KLHL2: variants seen among roughly 807,000 people sequenced by gnomAD.
KLHL2 encodes the protein kelch like family member 2, also known as kelch-like protein 2.
KLHL2 carries 15 observed loss-of-function variants against 75.8 expected under a neutral mutation model. That is an observed-to-expected ratio of 0.20 (90% CI 0.13 to 0.30). The LOEUF is 0.30. Ranked by LOEUF, KLHL2 falls within the 10% of genes least tolerant of loss-of-function variation. The pLI is 1.00. For missense variants in KLHL2, 381 were observed against 741.0 expected (o/e 0.51, Z 5.64); for synonymous variants, 214 against 251.9 (o/e 0.85, Z 1.42).
chr4:165,302,346 T>C (rs932348763), intron 8 of KLHL2, among the ~76,000 whole-genome samples: 4 of 152,236 alleles, frequency 2.6e-5, no homozygotes, highest in African/African-American at 9.6e-5. Flanking sequence ...AAGATTAATT[T>C]CTTATGCTTA....
intron 5 of KLHL2, among the ~76,000 whole-genome samples, chr4:165,289,509 G>GTTTTTT (rs1194080743): frequency 7.2e-4 from 81 of 112,948 alleles, no homozygotes; most frequent in East Asian, 2.2e-3. Context: ...TTTTGGTTTG[G>GTTTTTT]TTTTTTTTTT....
intron 5 of KLHL2, among the ~76,000 whole-genome samples, chr4:165,272,771 A>G (rs1386732447): frequency 6.6e-6 from 1 of 152,138 alleles, no homozygotes; most frequent in Non-Finnish European, 1.5e-5. Flanking sequence ...AAAATCTTAA[A>G]TTTATTCTAG....
chr4:165,261,160 T>A (rs556190434), intron 4 of KLHL2, among the ~76,000 whole-genome samples: 1 of 152,324 alleles, frequency 6.6e-6, no homozygotes, highest in East Asian at 1.9e-4. Flanking sequence ...CTATTAAGCA[T>A]CTTGGAACGC....
chr4:165,278,026 C>T (rs1424632787), intron 5 of KLHL2: 1 of 1,482,422 alleles, frequency 6.7e-7, no homozygotes, highest in Non-Finnish European at 9.4e-7. Context: ...TTAACATTGC[C>T]ATGCTACTCA....
intron 5 of KLHL2, among the ~76,000 whole-genome samples, chr4:165,282,874 A>G (rs1743803635): frequency 6.6e-6 from 1 of 152,072 alleles, no homozygotes; most frequent in Admixed American, 6.5e-5. Context: ...GAGACTGGGC[A>G]ATTTACAAAA....
intron 3 of KLHL2, among the ~76,000 whole-genome samples, chr4:165,232,878 CT>C (rs912954260): frequency 0.022 from 1,156 of 52,534 alleles, no homozygotes; most frequent in Admixed American, 0.059. Flanking sequence ...CCCTGTTAAG[CT>C]TTTTTTTTTT....
Position 165,266,334 on chromosome 4 carries a change from A to C in KLHL2, c.544+2975A>C, listed in dbSNP as rs539419235. 2.6e-5 allele frequency among the ~76,000 whole-genome samples: 4 copies of C among 152,082 alleles called. No homozygotes were observed. In the South Asian group the frequency reaches 8.3e-4, roughly 32 times the overall value. ...AAGCTCTTTAGTTTAATTAGATCCC[A>C]TTTGTCAATTTTGGCTTTTGTTGCC... On this transcript the variant is annotated intron_variant, in intron 5 of 14. Coordinates refer to ENST00000226725, the MANE Select transcript of KLHL2 (RefSeq NM_007246.4).
intron 12 of KLHL2, among the ~76,000 whole-genome samples, chr4:165,313,603 T>G (rs1302815569): frequency 6.6e-6 from 1 of 152,222 alleles, no homozygotes; most frequent in East Asian, 1.9e-4. Flanking sequence ...ATATTCAAGT[T>G]GTTAGCACTC....
chr4:165,279,778 G>A (rs1743515261), intron 5 of KLHL2: 2 of 758,908 alleles, frequency 2.6e-6, no homozygotes, highest in African/African-American at 1.7e-5. Context: ...TTCTTTACTG[G>A]CTGGCTAGCA....
chr4:165,219,648 A>T (rs1737828719), intron 1 of KLHL2: 1 of 1,137,364 alleles, frequency 8.8e-7, no homozygotes, highest in African/African-American at 1.6e-5. Flanking sequence ...CAACAGTTTT[A>T]TTTGGAGATA....
intron 1 of KLHL2, among the ~76,000 whole-genome samples, chr4:165,208,936 TC>T (rs1184241149): frequency 6.6e-6 from 1 of 152,232 alleles, no homozygotes; most frequent in Admixed American, 6.5e-5. Flanking sequence ...TTGGCAGAAT[TC>T]CAGCCAAAAT....
intron 14 of KLHL2, among the ~76,000 whole-genome samples, chr4:165,318,916 T>C (rs1313021011): frequency 6.6e-6 from 1 of 152,238 alleles, no homozygotes; most frequent in Non-Finnish European, 1.5e-5. Flanking sequence ...TAGTCTGTTT[T>C]ATCATTTACT....
At chr4:165,217,269 C>T (rs1374752600) in intron 1 of KLHL2, among the ~76,000 whole-genome samples, 1 of 152,154 alleles carries the variant, frequency 6.6e-6, no homozygotes, top group Non-Finnish European at 1.5e-5. Flanking sequence ...GCATGGGTTG[C>T]ATATATCTAC....
At chr4:165,238,691 G>T in intron 3 of KLHL2, 87 bp from the exon 4 acceptor site, 1 of 1,586,966 alleles carries the variant, frequency 6.3e-7, no homozygotes. Context: ...ACAGTGAGTG[G>T]CAAGAAGATG....
At chr4:165,286,734 T>C (rs1356775858) in intron 5 of KLHL2, among the ~76,000 whole-genome samples, 3 of 152,208 alleles carry the variant, frequency 2.0e-5, no homozygotes, top group Non-Finnish European at 1.5e-5. Flanking sequence ...GATCTGCTCT[T>C]GAGAAGTCTG....
chr4:165,321,847 T>G (rs941248316), intron 14 of KLHL2, among the ~76,000 whole-genome samples, 185 bp from the exon 15 acceptor site: 2 of 152,212 alleles, frequency 1.3e-5, no homozygotes, highest in African/African-American at 2.4e-5. Context: ...AGCCCATAAC[T>G]AAACAGAGTT....
At chr4:165,294,509 CCT>C in intron 6 of KLHL2, 41 bp downstream of exon 6, 1 of 1,116,898 alleles carries the variant, frequency 9.0e-7, no homozygotes, top group Non-Finnish European at 1.3e-6. Flanking sequence ...ATGATGTTTC[CCT>C]TTTTTTTTTT....
At chr4:165,292,963 C>T (rs1744628323) in intron 5 of KLHL2, among the ~76,000 whole-genome samples, 1 of 152,046 alleles carries the variant, frequency 6.6e-6, no homozygotes, top group Non-Finnish European at 1.5e-5. Flanking sequence ...CTTTATAAAC[C>T]ACTAGCTTAT....
intron 4 of KLHL2, among the ~76,000 whole-genome samples, chr4:165,248,212 A>G (rs1740416374): frequency 3.9e-5 from 6 of 152,172 alleles, no homozygotes; most frequent in Admixed American, 2.6e-4. Flanking sequence ...GTTGGAACTC[A>G]GGAAACCGAG....
Sources: allele counts gnomAD v4.1 joint callset (sites outside exome capture counted in the v4.1 genomes callset), GRCh38; gene constraint gnomAD v4.1.1; transcripts MANE v1.5; gene names NCBI Gene and HGNC (gene_info 2026-07-23, HGNC 2026-07-21).